RPAP2: variants seen among roughly 807,000 people sequenced by gnomAD.
RPAP2 encodes RNA polymerase II associated protein 2, also known as putative RNA polymerase II subunit B1 CTD phosphatase RPAP2.
RPAP2 carries 52 observed loss-of-function variants against 73.1 expected under a neutral mutation model. The ratio of observed to expected loss-of-function variants is 0.71; its 90% CI spans 0.57 to 0.90. RPAP2 has a LOEUF of 0.90. Among genes scored for constraint, RPAP2 ranks in the 40% least tolerant of loss-of-function variants. The pLI is 0.00. For missense variants in RPAP2, 598 were observed against 701.8 expected (o/e 0.85, Z 1.67); for synonymous variants, 225 against 242.1 (o/e 0.93, Z 0.65).
intron 8 of RPAP2, among the ~76,000 whole-genome samples, chr1:92,326,250 A>G (rs1333113720): frequency 6.6e-6 from 1 of 152,104 alleles, no homozygotes; most frequent in East Asian, 1.9e-4. Flanking sequence ...CATTACTGTG[A>G]TGATGAATAA....
At position 92,397,609 on chromosome 1, in the gene RPAP2, A is replaced by G. The variant is rs951879093; in HGVS notation, c.*10598A>G. 1 of 152,208 alleles carries G rather than the reference A, an allele frequency of 6.6e-6. No homozygotes were observed. The highest frequency in any genetic ancestry group is 1.5e-5 in the Non-Finnish European group (1 of 68,054). The allele number at this position is 152,208 out of a possible 1,614,324, so 9.4% of individuals were successfully genotyped here. A position where few individuals can be genotyped will look rare whatever the true frequency, so the allele number is the denominator to read the frequency against. ...TGGGAGGGTGCTGCATCTGCCTCCC[A>G]TACACTTCTGCCAAGTTTATGTTAG... On this transcript the variant is annotated 3_prime_UTR_variant, in exon 13 of 13. Coordinates refer to ENST00000610020, the MANE Select transcript of RPAP2 (RefSeq NM_024813.3).
chr1:92,363,719 G>A (rs1431169942), intron 11 of RPAP2: 1 of 362,080 alleles, frequency 2.8e-6, no homozygotes, highest in Non-Finnish European at 5.5e-6. Context: ...CCTACTCAAT[G>A]TGAAGACAAG....
rs189903101 is a variant in RPAP2, at chr1:92,327,598, G to T, written c.1455+3223G>T. Among the ~76,000 whole-genome samples the T allele has an allele frequency of 2.5e-3, 385 of 152,186 alleles. 3 individuals are homozygous for T. The highest frequency in any genetic ancestry group is 9.3e-3 in the South Asian group (45 of 4,826). ...AAGCAGATACTTGGTTGGTGAATTC[G>T]TATTAATTTTGCCATTCTGTATTTT... On this transcript the variant is annotated intron_variant, in intron 8 of 12. Coordinates refer to ENST00000610020, the MANE Select transcript of RPAP2 (RefSeq NM_024813.3).
intron 11 of RPAP2, among the ~76,000 whole-genome samples, chr1:92,371,966 CATT>C (rs1655175556): frequency 6.6e-6 from 1 of 151,210 alleles, no homozygotes; most frequent in Admixed American, 6.6e-5. Flanking sequence ...AAATATTAGC[CATT>C]ATTATCATCA....
chr1:92,305,273 A>T (rs1198195469), intron 5 of RPAP2, among the ~76,000 whole-genome samples: 2 of 151,694 alleles, frequency 1.3e-5, no homozygotes, highest in African/African-American at 2.4e-5. Context: ...TCTACTAAAA[A>T]TACAAAAAAA....
At chr1:92,346,928 C>T (rs1653932706) in intron 11 of RPAP2, among the ~76,000 whole-genome samples, 1 of 152,170 alleles carries the variant, frequency 6.6e-6, no homozygotes, top group South Asian at 2.1e-4. Flanking sequence ...TGAAAACTTA[C>T]CAGACACTCA....
intron 6 of RPAP2, among the ~76,000 whole-genome samples, chr1:92,312,209 A>T (rs1651632489): frequency 6.6e-6 from 1 of 152,176 alleles, no homozygotes; most frequent in South Asian, 2.1e-4. Flanking sequence ...AAGACATTTG[A>T]GACCAGCCTG....
chr1:92,330,104 C>T lies in RPAP2; in HGVS notation c.1456-3287C>T, dbSNP rs113984478. ...CCAAGTGGGAATGACTCTTCTGCAC[C>T]GTCCAGTTTCTTATTCTTCATTGGC... On this transcript the variant is annotated intron_variant, in intron 8 of 12. Transcript: ENST00000610020. 7.8e-3 allele frequency among the ~76,000 whole-genome samples: 1,188 copies of T among 152,266 alleles called. 6 individuals are homozygous for T. The highest frequency in any genetic ancestry group is 0.027 in the African/African-American group (1,137 of 41,524).
chr1:92,324,361 C>T lies in RPAP2; in HGVS notation c.1441C>T (p.Gln481Ter). Residue 481 changes from glutamine to a stop codon, truncating the protein, a stop_gained, in exon 8 of 13, where the codon CAA becomes TAA. Transcript: ENST00000610020. LOFTEE classifies it high-confidence loss of function. ...TTTGGGTGAAGAAACCACCAAATCA[C>T]AAGACTCAGAAGAGGTATGTCTTAC... is the stretch of plus-strand genomic sequence containing the variant. ...YVLGEETTKS[Q>*]DSEEHDSTFP... The T allele has an allele frequency of 3.1e-6, 5 of 1,612,538 alleles. No individual in the cohort carries two copies. Among genetic ancestry groups the T allele is most frequent in the Non-Finnish European group, 4.2e-6 (5 of 1,179,084 alleles).
Position 92,389,256 on chromosome 1 carries a change from G to C in RPAP2, c.*2245G>C, listed in dbSNP as rs1377250024. On this transcript the variant is annotated 3_prime_UTR_variant, in exon 13 of 13. Coordinates refer to ENST00000610020, the MANE Select transcript of RPAP2 (RefSeq NM_024813.3). Reference sequence around the variant, plus strand: ...CCACTGGTGACACCCAGGCAAACAGGGTCTGGAGTGGACCTCCAGCAAACT... The same window carrying C: ...CCACTGGTGACACCCAGGCAAACAGCGTCTGGAGTGGACCTCCAGCAAACT... 6.5e-6 allele frequency: 1 copy of C among 153,036 alleles called. No homozygotes were observed. Among genetic ancestry groups the C allele is most frequent in the Non-Finnish European group, 1.5e-5 (1 of 68,774 alleles). The allele number at this position is 153,036 out of a possible 1,614,324, so 9.5% of individuals were successfully genotyped here.
intron 10 of RPAP2, among the ~76,000 whole-genome samples, chr1:92,339,099 T>C (rs1653452316): frequency 6.6e-6 from 1 of 152,198 alleles, no homozygotes; most frequent in Admixed American, 6.5e-5. Context: ...TTAATTTACT[T>C]TGTCTATATT....
chr1:92,337,456 C>A (rs570652880), intron 10 of RPAP2, among the ~76,000 whole-genome samples: 1 of 152,200 alleles, frequency 6.6e-6, no homozygotes, highest in East Asian at 1.9e-4. Flanking sequence ...AGCTTTGTAT[C>A]TAGAATTCAT....
rs962846660 is a variant in RPAP2 at position 92,394,027 on chromosome 1, G to A, written c.*7016G>A. On this transcript the variant is annotated 3_prime_UTR_variant, in exon 13 of 13. Coordinates refer to ENST00000610020, the MANE Select transcript of RPAP2 (RefSeq NM_024813.3). ...TTCTACAATAAAGACACATGCACAC[G>A]TATGTTTATTGCTGCACTATTCACA... 12 of 152,148 alleles carry A rather than the reference G, an allele frequency of 7.9e-5. No individual in the cohort carries two copies. Among genetic ancestry groups the A allele is most frequent in the Admixed American group, 5.9e-4 (9 of 15,270 alleles). 9.4% of individuals were successfully genotyped at this position (152,148 alleles called of 1,614,324 possible).
intron 6 of RPAP2, among the ~76,000 whole-genome samples, chr1:92,309,120 C>T (rs1178258197): frequency 6.6e-6 from 1 of 151,772 alleles, no homozygotes; most frequent in Non-Finnish European, 1.5e-5. Flanking sequence ...GCTATATACC[C>T]TTCACTACCT....
At chr1:92,336,998 C>T (rs1347155205) in intron 10 of RPAP2, among the ~76,000 whole-genome samples, 1 of 152,054 alleles carries the variant, frequency 6.6e-6, no homozygotes, top group Non-Finnish European at 1.5e-5. Context: ...AATACTCACT[C>T]AGGCTAAGAC....
chr1:92,334,651 C>T (rs543025632), intron 9 of RPAP2, among the ~76,000 whole-genome samples: 1 of 151,962 alleles, frequency 6.6e-6, no homozygotes, highest in East Asian at 1.9e-4. Flanking sequence ...AGTTCAAGAC[C>T]AGCCTGGGCA....
rs1381128116 is a variant in RPAP2 at position 92,365,050 on chromosome 1, T to G, written c.1689-15674T>G. ...ATCATCTTCAATAGGACTTGACCTA[T>G]GCTTGAAACTTATTTTCTTTTCATA... On this transcript the variant is annotated intron_variant, in intron 11 of 12. Coordinates refer to ENST00000610020, the MANE Select transcript of RPAP2 (RefSeq NM_024813.3). Among the ~76,000 whole-genome samples, 3 of 152,232 alleles carry G rather than the reference T, an allele frequency of 2.0e-5. No individual in the cohort carries two copies. In the East Asian group the frequency reaches 5.8e-4, roughly 29 times the overall value.
At chr1:92,328,170 C>A (rs886137102) in intron 8 of RPAP2, among the ~76,000 whole-genome samples, 1 of 152,146 alleles carries the variant, frequency 6.6e-6, no homozygotes, top group Non-Finnish European at 1.5e-5. Flanking sequence ...CCCAGGTGTT[C>A]TTTGAGCTTC....
intron 8 of RPAP2, among the ~76,000 whole-genome samples, chr1:92,326,020 TGC>T (rs1557603087): frequency 1.3e-5 from 2 of 152,104 alleles, no homozygotes; most frequent in Non-Finnish European, 2.9e-5. Flanking sequence ...TCTGCTAATA[TGC>T]GTATGTATTT....
Sources: gnomAD v4.1 joint callset for allele counts (sites outside exome capture counted in the v4.1 genomes callset) on GRCh38, gnomAD v4.1.1 for gene constraint, MANE v1.5 for transcripts, NCBI Gene and HGNC (gene_info 2026-07-23, HGNC 2026-07-21) for gene names.